GALNT1: variants seen among roughly 807,000 people sequenced by gnomAD.
The protein encoded by GALNT1 is polypeptide N-acetylgalactosaminyltransferase 1.
GALNT1 carries 17 observed loss-of-function variants against 65.7 expected under a neutral mutation model. The ratio of observed to expected loss-of-function variants is 0.26; its 90% CI spans 0.18 to 0.39. GALNT1 has a LOEUF of 0.39. GALNT1 is among the 10% of genes least tolerant of loss of function. The pLI is 1.00. For missense variants in GALNT1, 460 were observed against 672.8 expected (o/e 0.68, Z 3.50); for synonymous variants, 210 against 219.7 (o/e 0.96, Z 0.39).
At chr18:35,584,295 C>T (rs749841228) in intron 1 of GALNT1, among the ~76,000 whole-genome samples, 1 of 152,014 alleles carries the variant, frequency 6.6e-6, no homozygotes, top group African/African-American at 2.4e-5. Context: ...AACTTTGGTA[C>T]TTTTTTTTCA....
intron 1 of GALNT1, among the ~76,000 whole-genome samples, chr18:35,614,536 G>A (rs948050767): frequency 6.6e-6 from 1 of 152,038 alleles, no homozygotes; most frequent in Non-Finnish European, 1.5e-5. Context: ...AAACAGCAGC[G>A]ATATAAAGAT....
At chr18:35,669,115 C>T (rs1213518428) in intron 3 of GALNT1, among the ~76,000 whole-genome samples, 1 of 152,168 alleles carries the variant, frequency 6.6e-6, no homozygotes. Flanking sequence ...GTGGCACGCA[C>T]CTGTAGTCCC....
chr18:35,709,942 C>A lies in GALNT1; in HGVS notation c.*172C>A. ...TCTCTAGCTTTTCACTAGCTGTGAACCAGCCTTCCTGTCCATGGACGTGAA... is the reference window on the plus strand; with the variant it reads ...TCTCTAGCTTTTCACTAGCTGTGAAACAGCCTTCCTGTCCATGGACGTGAA... On this transcript the variant is annotated 3_prime_UTR_variant, in exon 12 of 12. Transcript: ENST00000269195. The A allele has an allele frequency of 1.5e-6, 1 of 683,028 alleles. No homozygotes were observed. Among genetic ancestry groups the A allele is most frequent in the Non-Finnish European group, 2.4e-6 (1 of 415,418 alleles). The allele number at this position is 683,028 out of a possible 1,614,324, so 42.3% of individuals were successfully genotyped here.
At chr18:35,584,498 A>G (rs775057379) in intron 1 of GALNT1, among the ~76,000 whole-genome samples, 1 of 152,152 alleles carries the variant, frequency 6.6e-6, no homozygotes, top group Non-Finnish European at 1.5e-5. Flanking sequence ...AGTGACAGAT[A>G]ATGGAGGAAG....
chr18:35,614,920 TA>T (rs1438096700), intron 1 of GALNT1, among the ~76,000 whole-genome samples: 71 of 152,100 alleles, frequency 4.7e-4, no homozygotes, highest in African/African-American at 1.6e-3. Flanking sequence ...GATCTTTAAA[TA>T]GAAAGGTATA....
At chr18:35,586,212 A>C (rs906213174) in intron 1 of GALNT1, among the ~76,000 whole-genome samples, 1 of 152,166 alleles carries the variant, frequency 6.6e-6, no homozygotes, top group African/African-American at 2.4e-5. Flanking sequence ...GATGTTGAAC[A>C]CTTCTCATGT....
intron 1 of GALNT1, among the ~76,000 whole-genome samples, chr18:35,614,941 C>T (rs1052667943): frequency 4.6e-5 from 7 of 151,768 alleles, no homozygotes; most frequent in African/African-American, 1.2e-4. Context: ...AGAAATATAT[C>T]GAAGGACATT....
intron 2 of GALNT1, among the ~76,000 whole-genome samples, chr18:35,662,593 C>T (rs2047492858): frequency 6.6e-6 from 1 of 150,996 alleles, no homozygotes; most frequent in African/African-American, 2.5e-5. Flanking sequence ...GGCTTTTCTG[C>T]TGCCTTGATG....
At chr18:35,648,550 A>G (rs1223807223) in intron 1 of GALNT1, among the ~76,000 whole-genome samples, 1 of 152,238 alleles carries the variant, frequency 6.6e-6, no homozygotes, top group East Asian at 1.9e-4. Context: ...CTTTAAAAAT[A>G]AGTAGTTAAA....
intron 1 of GALNT1, among the ~76,000 whole-genome samples, chr18:35,630,931 C>T (rs1323433098): frequency 6.6e-6 from 1 of 152,268 alleles, no homozygotes; most frequent in African/African-American, 2.4e-5. Flanking sequence ...AACACCTCTA[C>T]ACAAATAAAC....
chr18:35,700,124 AC>A (rs1405337844), intron 9 of GALNT1, among the ~76,000 whole-genome samples: 2 of 152,050 alleles, frequency 1.3e-5, no homozygotes, highest in Admixed American at 6.6e-5. Context: ...CATCTTACAC[AC>A]CCCATAGATG....
intron 1 of GALNT1, among the ~76,000 whole-genome samples, chr18:35,589,015 C>G (rs1205459707): frequency 2.0e-5 from 3 of 152,098 alleles, no homozygotes; most frequent in Non-Finnish European, 4.4e-5. Flanking sequence ...GATTCTGGAT[C>G]TTACTTAAGC....
chr18:35,643,560 G>A (rs1428938952), intron 1 of GALNT1, among the ~76,000 whole-genome samples: 3 of 152,108 alleles, frequency 2.0e-5, no homozygotes, highest in Non-Finnish European at 4.4e-5. Flanking sequence ...TCAGGAGATC[G>A]AGACCATCCT....
chr18:35,607,647 G>A (rs527648995), intron 1 of GALNT1, among the ~76,000 whole-genome samples: 5 of 152,218 alleles, frequency 3.3e-5, no homozygotes, highest in South Asian at 2.1e-4. Flanking sequence ...TCTAACTTTC[G>A]TATTTGCTGA....
At chr18:35,597,214 A>G (rs1186628160) in intron 1 of GALNT1, 1 of 152,238 alleles carries the variant, frequency 6.6e-6, no homozygotes, top group Non-Finnish European at 1.5e-5. Context: ...GGTGAAACCT[A>G]GGTCATGCTG....
chr18:35,615,407 G>C (rs2046771275), intron 1 of GALNT1, among the ~76,000 whole-genome samples: 1 of 152,060 alleles, frequency 6.6e-6, no homozygotes, highest in Non-Finnish European at 1.5e-5. Context: ...TACTAACACT[G>C]TATTAAAAAA....
intron 1 of GALNT1, among the ~76,000 whole-genome samples, chr18:35,651,324 A>G (rs1027341297): frequency 6.6e-6 from 1 of 152,178 alleles, no homozygotes; most frequent in Admixed American, 6.5e-5. Context: ...CACCATAACT[A>G]TTTTTATAAA....
chr18:35,694,309 T>C (rs954506320), intron 9 of GALNT1, among the ~76,000 whole-genome samples: 1 of 152,146 alleles, frequency 6.6e-6, no homozygotes, highest in African/African-American at 2.4e-5. Flanking sequence ...TTTATTTCTT[T>C]ATTAAGATAA....
intron 1 of GALNT1, among the ~76,000 whole-genome samples, chr18:35,600,716 T>A (rs1346677869): frequency 6.6e-6 from 1 of 152,176 alleles, no homozygotes; most frequent in African/African-American, 2.4e-5. Context: ...CCATTAACAT[T>A]CTATTAATGT....
Sources: allele counts gnomAD v4.1 joint callset (sites outside exome capture counted in the v4.1 genomes callset), GRCh38; gene constraint gnomAD v4.1.1; transcripts MANE v1.5; gene names NCBI Gene and HGNC (gene_info 2026-07-23, HGNC 2026-07-21).